The following AKAP9 variants were observed in gnomAD, a reference collection of about 807,000 sequenced individuals.
The protein encoded by AKAP9 is A-kinase anchoring protein 9, also known as A-kinase anchor protein 9.
A neutral mutation model predicts 488.5 loss-of-function variants in AKAP9; 311 were observed. The ratio of observed to expected loss-of-function variants is 0.64; its 90% CI spans 0.58 to 0.70. The LOEUF (loss-of-function observed/expected upper bound fraction) is 0.70. Among genes scored for constraint, AKAP9 ranks in the 30% least tolerant of loss-of-function variants. AKAP9 has a pLI of 0.00. For missense variants in AKAP9, 4,215 were observed against 4,374.5 expected (o/e 0.96, Z 1.03); for synonymous variants, 1,462 against 1,483.5 (o/e 0.99, Z 0.33).
At chr7:92,032,386 T>G (rs1272197029) in intron 16 of AKAP9, among the ~76,000 whole-genome samples, 1 of 151,852 alleles carries the variant, frequency 6.6e-6, no homozygotes, top group Non-Finnish European at 1.5e-5. Context: ...ATCCCAGCTG[T>G]TCAGGAGGCT....
rs548966191 is a variant in AKAP9 at position 92,027,515 on chromosome 7, G to A, written c.4149-2380G>A. ...GAGCCCCTCTGCCCAGCCGCCCTTC[G>A]TCTGGGAGGTGAGGAACGCCTCTGC... On this transcript the variant is annotated intron_variant, in intron 14 of 49. Transcript: ENST00000356239. Among the ~76,000 whole-genome samples, 798 of 140,792 alleles carry A rather than the reference G, an allele frequency of 5.7e-3. 7 individuals are homozygous for A. Among genetic ancestry groups the A allele is most frequent in the Non-Finnish European group, 8.4e-3 (552 of 65,676 alleles). The allele number at this position is 140,792 out of a possible 152,430, so 92.4% of individuals were successfully genotyped here. A position where few individuals can be genotyped will look rare whatever the true frequency, so the allele number is the denominator to read the frequency against.
At position 92,097,778 on chromosome 7, in the gene AKAP9, C is replaced by G. The variant is rs767137372; in HGVS notation, c.10591C>G (p.Gln3531Glu). The change falls in exon 42 of 50, where the codon CAG becomes GAG. Residue 3531 changes from glutamine to glutamate, a missense_variant. Gln to Glu is a conservative substitution (Grantham distance 29, BLOSUM62 2). Transcript: ENST00000356239. ...CVASKLQVLP[Q>E]KASERLQFET... ...AGCTTCAAAACTACAGGTTCTACCC[C>G]AGAAAGCCTCTGAGAGGTTAGACTT... 1.8e-5 allele frequency: 29 copies of G among 1,614,030 alleles called. No individual in the cohort carries two copies. Among genetic ancestry groups the G allele is most frequent in the Non-Finnish European group, 2.5e-5 (29 of 1,180,014 alleles).
chr7:92,077,615 G>T, intron 29 of AKAP9, 81 bp from the exon 30 acceptor site: 1 of 1,177,002 alleles, frequency 8.5e-7, no homozygotes, highest in Admixed American at 1.7e-5. Flanking sequence ...GTACGTTATA[G>T]GCTCTGATTT....
rs1379491488 is a variant in AKAP9, at chr7:91,950,135, G to C, written c.48+8988G>C. On this transcript the variant is annotated intron_variant, in intron 1 of 49. Transcript: ENST00000356239. ...AAAATCTAGGCTCTCTCTCCTATTA[G>C]TACTGAACACACTATAAAATTCCTT... is the stretch of plus-strand genomic sequence containing the variant. Among the ~76,000 whole-genome samples the C allele has an allele frequency of 2.0e-5, 3 of 151,830 alleles. No individual in the cohort carries two copies. The East Asian group carries it at 5.8e-4, about 29-fold the overall frequency.
At chr7:92,110,096 T>C (rs751062122) in intron 49 of AKAP9, 26 bp from the exon 50 acceptor site, 3 of 1,579,408 alleles carry the variant, frequency 1.9e-6, no homozygotes, top group Middle Eastern at 1.7e-4. Flanking sequence ...TTGAAATCAG[T>C]TGAATTTCCT....
intron 8 of AKAP9, among the ~76,000 whole-genome samples, chr7:92,007,424 G>A (rs1800059017): frequency 6.7e-6 from 1 of 150,358 alleles, no homozygotes; most frequent in South Asian, 2.1e-4. Context: ...GCAAATTTTT[G>A]TATTTTTAGT....
intron 14 of AKAP9, among the ~76,000 whole-genome samples, chr7:92,023,723 T>G (rs1299189558): frequency 1.3e-5 from 2 of 152,222 alleles, no homozygotes; most frequent in Admixed American, 1.3e-4. Context: ...AAAGCTCTTC[T>G]GTCCTACATG....
chr7:92,071,079 A>G (rs1811656937), intron 28 of AKAP9, 70 bp downstream of exon 28: 6 of 1,378,024 alleles, frequency 4.4e-6, no homozygotes, highest in East Asian at 2.3e-5. Flanking sequence ...TGAAAATATT[A>G]TTTGAACTGA....
chr7:91,980,284 T>G lies in AKAP9; in HGVS notation c.307-5T>G, dbSNP rs1238314038. 3 of 1,577,708 alleles carry G rather than the reference T, an allele frequency of 1.9e-6. No individual in the cohort carries two copies. Among genetic ancestry groups the G allele is most frequent in the African/African-American group, 2.7e-5 (2 of 74,224 alleles). On this transcript the variant is annotated splice_polypyrimidine_tract_variant and splice_region_variant and intron_variant, in intron 2 of 49. Transcript: ENST00000356239. ...AATTATATTTGGTTTTTATTTTTGT[T>G]TTAGCTGGAAAGTGAAATTTCAACC...
intron 1 of AKAP9, among the ~76,000 whole-genome samples, chr7:91,954,302 T>A (rs1162533432): frequency 6.6e-6 from 1 of 152,244 alleles, no homozygotes; most frequent in African/African-American, 2.4e-5. Context: ...TTATTTATTT[T>A]GAGACAGGGT....
intron 4 of AKAP9, 72 bp downstream of exon 4, chr7:91,992,283 CTT>C: frequency 8.8e-7 from 1 of 1,131,314 alleles, no homozygotes; most frequent in Non-Finnish European, 1.3e-6. Flanking sequence ...ACTAACAAAA[CTT>C]TTTCCTGCAT....
chr7:91,975,836 TTAAG>T (rs1226617012), intron 2 of AKAP9, among the ~76,000 whole-genome samples: 1 of 152,000 alleles, frequency 6.6e-6, no homozygotes, highest in Non-Finnish European at 1.5e-5. Flanking sequence ...TCCTGGTTCA[TTAAG>T]TGTTTTCATT....
In AKAP9 at chr7:92,100,943, C is replaced by A. The variant is rs1430462964; in HGVS notation, c.10984C>A (p.Leu3662Ile). 2.5e-6 allele frequency: 4 copies of A among 1,614,010 alleles called. No individual in the cohort carries two copies. The highest frequency in any genetic ancestry group is 3.4e-6 in the Non-Finnish European group (4 of 1,180,022). ...AGTATGGAACAGAGAAAAATTGACT[C>A]TCCAGAAATCTTTGAAAAGGGCAGA... ...KEVWNREKLT[L>I]QKSLKRAEAE... Residue 3662 changes from leucine to isoleucine, a missense_variant, in exon 45 of 50, where the codon CTC becomes ATC. By Grantham distance (5) the Leu-to-Ile change is conservative. Around this residue, in one of 5 missense-constraint regions of AKAP9, gnomAD observed 74 missense variants for 113.0 expected, o/e 0.65. Transcript: ENST00000356239.
intron 1 of AKAP9, among the ~76,000 whole-genome samples, chr7:91,946,803 T>C (rs913636196): frequency 6.6e-6 from 1 of 152,176 alleles, no homozygotes; most frequent in Non-Finnish European, 1.5e-5. Flanking sequence ...AAAGGTAGGA[T>C]ACATCCAAGT....
At chr7:92,057,822 T>A (rs988532119) in intron 22 of AKAP9, 3 of 224,318 alleles carry the variant, frequency 1.3e-5, no homozygotes, top group Non-Finnish European at 1.8e-5. Context: ...ATTTTTATTC[T>A]TCTCTTCAAG....
At chr7:92,096,386 G>C (rs1269532417) in intron 40 of AKAP9, among the ~76,000 whole-genome samples, 2 of 149,224 alleles carry the variant, frequency 1.3e-5, no homozygotes, top group African/African-American at 5.0e-5. Flanking sequence ...TCACGCTGGA[G>C]GGCAGTGGTG....
At position 92,070,953 on chromosome 7, in the gene AKAP9, T is replaced by C. The variant is rs76177450; in HGVS notation, c.6556T>C (p.Ser2186Pro). The change falls in exon 28 of 50, where the codon TCC becomes CCC. Residue 2186 changes from serine to proline, a missense_variant. Physicochemically the swap from Ser to Pro is moderately conservative, Grantham distance 74 (BLOSUM62 -1). Transcript: ENST00000356239. Reference sequence around the variant, plus strand: ...AGCTGTAGAAGCTAAACCAGAATTGTCCCTAGAAGTACAATTGCAGGCTGA... The same window carrying C: ...AGCTGTAGAAGCTAAACCAGAATTGCCCCTAGAAGTACAATTGCAGGCTGA... ...FGAVEAKPELSLEVQLQAERD... is the reference protein window; with the variant it reads ...FGAVEAKPELPLEVQLQAERD... 5,729 of 1,613,912 alleles carry C rather than the reference T, an allele frequency of 3.5e-3. 20 individuals are homozygous for C. The highest frequency in any genetic ancestry group is 4.0e-3 in the Non-Finnish European group (4,757 of 1,179,938).
At chr7:92,014,023 G>C (rs369538090) in intron 9 of AKAP9, among the ~76,000 whole-genome samples, 3 of 151,988 alleles carry the variant, frequency 2.0e-5, no homozygotes, top group African/African-American at 7.2e-5. Flanking sequence ...TTTTGTGTTG[G>C]GTTGTAGTAA....
At chr7:92,044,904 T>G (rs1302594938) in intron 20 of AKAP9, 104 bp from the exon 21 acceptor site, 1 of 872,794 alleles carries the variant, frequency 1.1e-6, no homozygotes, top group Non-Finnish European at 1.9e-6. Flanking sequence ...TCATCTGTTA[T>G]TTTTCAAATC....
Sources: gnomAD v4.1 joint callset for allele counts (sites outside exome capture counted in the v4.1 genomes callset) on GRCh38, gnomAD v4.1.1 for gene constraint, gnomAD v4.1.1 regional missense constraint, MANE v1.5 for transcripts, NCBI Gene and HGNC (gene_info 2026-07-23, HGNC 2026-07-21) for gene names.